DAAM1: variants seen among roughly 807,000 people sequenced by gnomAD.
DAAM1 encodes the protein disheveled-associated activator of morphogenesis 1.
DAAM1 carries 52 observed loss-of-function variants against 130.0 expected under a neutral mutation model. That is an observed-to-expected ratio of 0.40 (90% CI 0.32 to 0.50). The LOEUF (loss-of-function observed/expected upper bound fraction) is 0.50, where lower values mean the gene tolerates loss of function less well. Among genes scored for constraint, DAAM1 ranks in the 20% least tolerant of loss-of-function variants. DAAM1 has a pLI of 0.61. For missense variants in DAAM1, 1,134 were observed against 1,303.8 expected (o/e 0.87, Z 2.01); for synonymous variants, 452 against 444.5 (o/e 1.02, Z -0.21).
intron 3 of DAAM1, among the ~76,000 whole-genome samples, chr14:59,294,564 A>T (rs1275636554): frequency 1.4e-4 from 21 of 146,404 alleles, no homozygotes; most frequent in East Asian, 4.0e-4. Context: ...ATCCACTGTC[A>T]TTTTTTTTTT....
intron 1 of DAAM1, among the ~76,000 whole-genome samples, chr14:59,239,427 C>A (rs1047190875): frequency 2.6e-5 from 4 of 152,124 alleles, no homozygotes; most frequent in African/African-American, 9.7e-5. Context: ...AGAGGTGTAG[C>A]TAGTGAATTT....
At chr14:59,233,191 C>G (rs1030657077) in intron 1 of DAAM1, among the ~76,000 whole-genome samples, 6 of 152,290 alleles carry the variant, frequency 3.9e-5, no homozygotes, top group African/African-American at 1.4e-4. Flanking sequence ...ATTTCTGGTT[C>G]TAGATCCTTG....
chr14:59,325,193 C>T (rs1359121962), intron 8 of DAAM1, among the ~76,000 whole-genome samples: 2 of 152,154 alleles, frequency 1.3e-5, no homozygotes, highest in African/African-American at 2.4e-5. Flanking sequence ...TTTTCTATTT[C>T]CTTTACCCTG....
chr14:59,359,188 A>G (rs1351686740), intron 20 of DAAM1: 9 of 463,890 alleles, frequency 1.9e-5, no homozygotes, highest in Non-Finnish European at 3.5e-5. Context: ...TGCAATCCCC[A>G]TGGAGGCTCT....
intron 15 of DAAM1, among the ~76,000 whole-genome samples, chr14:59,333,511 G>C (rs950564682): frequency 6.6e-6 from 1 of 152,210 alleles, no homozygotes; most frequent in African/African-American, 2.4e-5. Flanking sequence ...CTGCTGTCCT[G>C]AGAAGGTGTC....
chr14:59,336,023 G>GTTT (rs796087070), intron 15 of DAAM1, among the ~76,000 whole-genome samples: 1 of 143,330 alleles, frequency 7.0e-6, no homozygotes, highest in Non-Finnish European at 1.5e-5. Flanking sequence ...TAGTGGTGTT[G>GTTT]TTTTTTTTTT....
At chr14:59,285,592 G>C (rs1393949499) in intron 2 of DAAM1, among the ~76,000 whole-genome samples, 2 of 151,802 alleles carry the variant, frequency 1.3e-5, no homozygotes, top group Non-Finnish European at 3.0e-5. Flanking sequence ...TGTCAGGAAA[G>C]TGGAAAACAA....
intron 2 of DAAM1, among the ~76,000 whole-genome samples, chr14:59,289,784 A>ATATATATATATACACATATATATATATAT: frequency 7.8e-6 from 1 of 128,774 alleles, no homozygotes; most frequent in African/African-American, 2.9e-5. Context: ...ATATATATAT[A>ATATATATATATACACATATATATATATAT]ATGGAATGCT....
At chr14:59,319,034 G>A (rs1884900212) in intron 4 of DAAM1, among the ~76,000 whole-genome samples, 1 of 152,218 alleles carries the variant, frequency 6.6e-6, no homozygotes, top group Non-Finnish European at 1.5e-5. Flanking sequence ...GATTCAAAGT[G>A]ATTGCATAAG....
intron 1 of DAAM1, among the ~76,000 whole-genome samples, chr14:59,247,729 A>G (rs1881454107): frequency 6.6e-6 from 1 of 152,166 alleles, no homozygotes; most frequent in South Asian, 2.1e-4. Flanking sequence ...AAAAAAAAAA[A>G]ACAAGGAATT....
intron 1 of DAAM1, among the ~76,000 whole-genome samples, chr14:59,224,779 C>A (rs947438325): frequency 6.6e-6 from 1 of 152,200 alleles, no homozygotes; most frequent in African/African-American, 2.4e-5. Flanking sequence ...ATCTTAATCA[C>A]CAAGGTGGTG....
rs556849739 is a variant in DAAM1 at position 59,305,768 on chromosome 14, C to T, written c.274-9512C>T. Among the ~76,000 whole-genome samples, 85 of 152,310 alleles carry T rather than the reference C, an allele frequency of 5.6e-4. 1 individual carries two copies. The highest frequency in any genetic ancestry group is 1.5e-3 in the African/African-American group (64 of 41,544). ...TCTTCCCCACAGGGTGACTAGGTCT[C>T]TGTAAAGTGGCACTCTTTTCTTGCT... On this transcript the variant is annotated intron_variant, in intron 3 of 24. Transcript: ENST00000360909.
intron 1 of DAAM1, among the ~76,000 whole-genome samples, chr14:59,224,912 A>G (rs1370878): frequency 0.56 from 84,722 of 151,704 alleles, 23,755 homozygotes; most frequent in East Asian, 0.66. Context: ...GCACCATTCC[A>G]TGAACCAGAA....
intron 1 of DAAM1, among the ~76,000 whole-genome samples, chr14:59,235,803 T>G (rs1430431864): frequency 6.6e-6 from 1 of 152,222 alleles, no homozygotes; most frequent in Non-Finnish European, 1.5e-5. Context: ...CTTTTAACAC[T>G]GCTTTAGCTG....
At chr14:59,315,702 A>G (rs780690431) in intron 4 of DAAM1, among the ~76,000 whole-genome samples, 1 of 152,174 alleles carries the variant, frequency 6.6e-6, no homozygotes, top group Non-Finnish European at 1.5e-5. Flanking sequence ...AAAAGTTAAT[A>G]CCATTTTAAA....
chr14:59,325,224 T>G (rs1029944249), intron 8 of DAAM1, among the ~76,000 whole-genome samples: 8 of 152,168 alleles, frequency 5.3e-5, no homozygotes, highest in Admixed American at 5.2e-4. Flanking sequence ...CTTCATAAAA[T>G]GTATCCTGGG....
At chr14:59,356,855 TTC>T in intron 20 of DAAM1, among the ~76,000 whole-genome samples, 1 of 152,326 alleles carries the variant, frequency 6.6e-6, no homozygotes, top group South Asian at 2.1e-4. Flanking sequence ...TTTCTGATCT[TTC>T]TGTTTCCTCT....
chr14:59,368,963 C>T lies in DAAM1; in HGVS notation c.*104C>T, dbSNP rs1887033018. On this transcript the variant is annotated 3_prime_UTR_variant, in exon 25 of 25. Coordinates refer to ENST00000360909, the MANE Select transcript of DAAM1 (RefSeq NM_001270520.2). ...CAATCCAAACAGTGGCAATTTTTTC[C>T]TTCATCTGTGAGTGAATGTGTGAAC... The T allele has an allele frequency of 9.6e-7, 1 of 1,046,298 alleles. No individual in the cohort carries two copies. Among genetic ancestry groups the T allele is most frequent in the African/African-American group, 1.6e-5 (1 of 61,928 alleles). 64.8% of individuals were successfully genotyped at this position (1,046,298 alleles called of 1,614,324 possible).
At chr14:59,220,703 C>T (rs1257577778) in intron 1 of DAAM1, among the ~76,000 whole-genome samples, 1 of 152,068 alleles carries the variant, frequency 6.6e-6, no homozygotes, top group African/African-American at 2.4e-5. Context: ...GTGGTGCTGG[C>T]AGAGGGGGAT....
Sources: gnomAD v4.1 joint callset for allele counts (sites outside exome capture counted in the v4.1 genomes callset) on GRCh38, gnomAD v4.1.1 for gene constraint, MANE v1.5 for transcripts, NCBI Gene and HGNC (gene_info 2026-07-23, HGNC 2026-07-21) for gene names.